SH3RF1: variants seen among roughly 807,000 people sequenced by gnomAD.
SH3RF1 encodes SH3 domain containing ring finger 1.
SH3RF1 carries 32 observed loss-of-function variants against 74.0 expected under a neutral mutation model. The observed-to-expected ratio is 0.43, with a 90% CI of 0.33 to 0.58. The LOEUF (loss-of-function observed/expected upper bound fraction) is 0.58, where lower values mean the gene tolerates loss of function less well. Among genes scored for constraint, SH3RF1 ranks in the 20% least tolerant of loss-of-function variants. SH3RF1 has a pLI of 0.05. For synonymous variants in SH3RF1, 396 were observed against 439.6 expected (o/e 0.90, Z 1.24); for missense variants, 954 against 1,130.9 (o/e 0.84, Z 2.24).
chr4:169,139,153 G>A (rs190179365), intron 4 of SH3RF1, among the ~76,000 whole-genome samples: 1 of 152,262 alleles, frequency 6.6e-6, no homozygotes, highest in Admixed American at 6.5e-5. Flanking sequence ...ATGATATCTA[G>A]CTGGTGTCGA....
chr4:169,110,040 A>AAG (rs1491562137), intron 10 of SH3RF1, among the ~76,000 whole-genome samples: 1 of 142,652 alleles, frequency 7.0e-6, no homozygotes, highest in Non-Finnish European at 1.5e-5. Context: ...AAAAAAAAAA[A>AAG]CCACCTGGGA....
intron 2 of SH3RF1, among the ~76,000 whole-genome samples, chr4:169,216,271 T>C (rs944540281): frequency 3.9e-5 from 6 of 152,146 alleles, no homozygotes; most frequent in Non-Finnish European, 7.4e-5. Flanking sequence ...GTCTATATTC[T>C]GAAAAAGCTT....
chr4:169,106,170 C>T (rs889503356), intron 11 of SH3RF1, among the ~76,000 whole-genome samples: 6 of 151,528 alleles, frequency 4.0e-5, no homozygotes, highest in South Asian at 2.1e-4. Context: ...TGGAGTGCAG[C>T]GGCATGATCT....
At chr4:169,211,667 A>C (rs1384033851) in intron 2 of SH3RF1, among the ~76,000 whole-genome samples, 3 of 151,272 alleles carry the variant, frequency 2.0e-5, no homozygotes, top group Non-Finnish European at 1.5e-5. Flanking sequence ...CATTTTTCAT[A>C]ATTAAAAGGG....
intron 2 of SH3RF1, among the ~76,000 whole-genome samples, chr4:169,192,373 CA>C (rs1734733952): frequency 6.6e-6 from 1 of 150,394 alleles, no homozygotes; most frequent in Admixed American, 6.6e-5. Context: ...GGCCAACAAA[CA>C]TATGAAAAAA....
chr4:169,223,805 T>C (rs1730609795), intron 2 of SH3RF1, among the ~76,000 whole-genome samples: 1 of 152,044 alleles, frequency 6.6e-6, no homozygotes, highest in Non-Finnish European at 1.5e-5. Flanking sequence ...AAGAATGTGA[T>C]ATGTGAGCAG....
At chr4:169,264,317 A>C (rs1731320332) in intron 2 of SH3RF1, among the ~76,000 whole-genome samples, 1 of 152,048 alleles carries the variant, frequency 6.6e-6, no homozygotes, top group Admixed American at 6.5e-5. Context: ...TCCTCTTCTT[A>C]TAAGAACACT....
Position 169,183,453 on chromosome 4 carries a change from G to GT in SH3RF1, c.394-26775dup, listed in dbSNP as rs545816605. 2.1e-4 allele frequency among the ~76,000 whole-genome samples: 32 copies of GT among 152,018 alleles called. No homozygotes were observed. In the South Asian group the frequency reaches 5.9e-3, roughly 28 times the overall value. ...TTGCCACCATGCCCAGCTAATTTTTGTATTTTTAGTAGAGACAGGGTTTCA... is the reference window on the plus strand; with the variant it reads ...TTGCCACCATGCCCAGCTAATTTTTGTTATTTTTAGTAGAGACAGGGTTTCA... On this transcript the variant is annotated intron_variant, in intron 2 of 11. Coordinates refer to ENST00000284637, the MANE Select transcript of SH3RF1 (RefSeq NM_020870.4).
chr4:169,178,571 T>C (rs1344130360), intron 2 of SH3RF1, among the ~76,000 whole-genome samples: 3 of 152,126 alleles, frequency 2.0e-5, no homozygotes, highest in Admixed American at 6.5e-5. Context: ...TCTGACATAC[T>C]GTGGGGGCAA....
At chr4:169,143,929 T>C (rs1733828063) in intron 4 of SH3RF1, among the ~76,000 whole-genome samples, 2 of 152,168 alleles carry the variant, frequency 1.3e-5, no homozygotes, top group Non-Finnish European at 1.5e-5. Context: ...CTAAAAAGAA[T>C]TTTAGCTGAG....
chr4:169,136,365 C>T lies in SH3RF1; in HGVS notation c.1021G>A (p.Ala341Thr). ...LISSSNPTAA[A>T]RISELSGLSC... is the part of the protein sequence containing the mutation. The stretch of plus-strand genomic sequence containing the variant: ...AGCCCAGACAGCTCGCTGATCCGTG[C>T]AGCAGCAGTGGGGTTGCTGGAGCTG... The change falls in exon 5 of 12, where the codon GCA becomes ACA. Residue 341 changes from alanine to threonine, a missense_variant. Physicochemically the swap from Ala to Thr is moderately conservative, Grantham distance 58. Transcript: ENST00000284637. 3 of 1,570,710 alleles carry T rather than the reference C, an allele frequency of 1.9e-6. No homozygotes were observed. The highest frequency in any genetic ancestry group is 1.7e-6 in the Non-Finnish European group (2 of 1,161,306).
At chr4:169,254,758 C>T (rs1044842078) in intron 2 of SH3RF1, among the ~76,000 whole-genome samples, 1 of 152,178 alleles carries the variant, frequency 6.6e-6, no homozygotes, top group Non-Finnish European at 1.5e-5. Flanking sequence ...CCATTCAGAA[C>T]TTTATCACCA....
At chr4:169,255,133 G>T (rs1731165038) in intron 2 of SH3RF1, among the ~76,000 whole-genome samples, 1 of 152,198 alleles carries the variant, frequency 6.6e-6, no homozygotes, top group Non-Finnish European at 1.5e-5. Context: ...TCCTTTAGAA[G>T]AGACTTTCTA....
intron 2 of SH3RF1, among the ~76,000 whole-genome samples, chr4:169,172,753 G>A (rs959378836): frequency 1.3e-5 from 2 of 152,118 alleles, no homozygotes; most frequent in African/African-American, 4.8e-5. Context: ...CATTTGGGCT[G>A]GGAGAGAAAG....
chr4:169,141,338 T>C (rs183874962), intron 4 of SH3RF1, among the ~76,000 whole-genome samples: 124 of 152,346 alleles, frequency 8.1e-4, no homozygotes, highest in African/African-American at 2.8e-3. Context: ...TGCATATCAA[T>C]AGGGATAGGC....
chr4:169,146,232 C>CAT (rs1554005769), intron 4 of SH3RF1, among the ~76,000 whole-genome samples: 22,568 of 132,426 alleles, frequency 0.17, 2,064 homozygotes, highest in South Asian at 0.23. Context: ...TATATATATA[C>CAT]TTTTTTTTTT....
In SH3RF1 at chr4:169,156,442, C is replaced by G. The variant is rs1187267890; in HGVS notation, c.631G>C (p.Asp211His). 1 of 1,600,068 alleles carries G rather than the reference C, an allele frequency of 6.2e-7. No homozygotes were observed. The highest frequency in any genetic ancestry group is 1.3e-5 in the African/African-American group (1 of 74,540). The change falls in exon 3 of 12, where the codon GAC becomes CAC. Residue 211 changes from aspartate to histidine, a missense_variant. Asp to His is a moderately conservative substitution (Grantham distance 81). Around this residue, in one of 3 missense-constraint regions of SH3RF1, gnomAD observed 854 missense variants for 962.5 expected, o/e 0.89. Transcript: ENST00000284637. The part of the protein sequence containing the change: ...CKALYDFEVK[D>H]KEADKDCLPF... ...AGGCAATCTTTGTCTGCTTCCTTGT[C>G]TTTCACTTCAAAGTCATAAAGTGCT...
intron 2 of SH3RF1, among the ~76,000 whole-genome samples, chr4:169,158,046 T>G (rs1734088938): frequency 6.6e-6 from 1 of 152,240 alleles, no homozygotes; most frequent in Non-Finnish European, 1.5e-5. Context: ...GTGCAAGCTT[T>G]TACTTTTTAC....
intron 4 of SH3RF1, among the ~76,000 whole-genome samples, chr4:169,147,613 C>T (rs1162476732): frequency 1.3e-5 from 2 of 152,148 alleles, no homozygotes; most frequent in Admixed American, 6.6e-5. Context: ...GAATTTTCGC[C>T]CCACAAATAT....
Sources: allele counts gnomAD v4.1 joint callset (sites outside exome capture counted in the v4.1 genomes callset), GRCh38; gene constraint gnomAD v4.1.1; regional missense constraint gnomAD v4.1.1; transcripts MANE v1.5; gene names NCBI Gene and HGNC (gene_info 2026-07-23, HGNC 2026-07-21).